Variants in ODAD1 observed in about 807,000 individuals in gnomAD.
The protein encoded by ODAD1 is outer dynein arm docking complex subunit 1.
ODAD1 carries 49 observed loss-of-function variants against 67.2 expected under a neutral mutation model. That is an observed-to-expected ratio of 0.73 (90% CI 0.58 to 0.92). The LOEUF (loss-of-function observed/expected upper bound fraction) is 0.92, where lower values mean the gene tolerates loss of function less well. Among genes scored for constraint, ODAD1 ranks in the 40% least tolerant of loss-of-function variants. ODAD1 has a pLI of 0.00. For synonymous variants in ODAD1, 345 were observed against 393.7 expected (o/e 0.88, Z 1.46); for missense variants, 897 against 953.7 (o/e 0.94, Z 0.78).
At chr19:48,298,678 A>G (rs774137970) in intron 12 of ODAD1, among the ~76,000 whole-genome samples, 2 of 152,064 alleles carry the variant, frequency 1.3e-5, no homozygotes, top group Non-Finnish European at 2.9e-5. Context: ...TATCTTGAAA[A>G]TCTCAGCAAT....
Position 48,318,706 on chromosome 19 carries a change from A to T in ODAD1, c.170+7T>A. The T allele has an allele frequency of 6.5e-7, 1 of 1,548,016 alleles. No individual in the cohort carries two copies. Among genetic ancestry groups the T allele is most frequent in the Non-Finnish European group, 8.7e-7 (1 of 1,143,794 alleles). On this transcript the variant is annotated splice_region_variant and intron_variant, in intron 4 of 15. Transcript: ENST00000674294. ...TCCCCAGCTCAGGGCCCAGGCGCCC[A>T]GCTCACAGTTGCTTGTTGATGCGCT...
intron 7 of ODAD1, among the ~76,000 whole-genome samples, chr19:48,309,126 C>T (rs1968694525): frequency 6.6e-6 from 1 of 152,122 alleles, no homozygotes; most frequent in Non-Finnish European, 1.5e-5. Context: ...AGCGTGTCTG[C>T]TCCTGCTGCT....
intron 3 of ODAD1, 26 bp from the exon 4 acceptor site, chr19:48,318,838 T>C: frequency 6.9e-7 from 1 of 1,441,582 alleles, no homozygotes; most frequent in Non-Finnish European, 9.5e-7. Flanking sequence ...GCCAAGGGAC[T>C]CAGCAGGGAT....
chr19:48,303,572 G>A, intron 10 of ODAD1, 78 bp downstream of exon 10: 1 of 1,565,860 alleles, frequency 6.4e-7, no homozygotes, highest in Non-Finnish European at 8.8e-7. Context: ...CCCAGGGCCA[G>A]AGCTGAGGCC....
At chr19:48,314,576 G>A (rs1038310589) in intron 5 of ODAD1, among the ~76,000 whole-genome samples, 7 of 152,156 alleles carry the variant, frequency 4.6e-5, no homozygotes, top group Admixed American at 6.5e-5. Context: ...ATGAGAGGGC[G>A]CTATCATCCT....
At position 48,296,875 on chromosome 19, in the gene ODAD1, G is replaced by C; in HGVS notation, c.*101C>G. ...CAAAAAGACAGAGGCCTGCCACTGG[G>C]AGAAAAAGACAGAGACCCACAAGGC... is the stretch of plus-strand genomic sequence containing the variant. On this transcript the variant is annotated 3_prime_UTR_variant, in exon 16 of 16. Transcript: ENST00000674294. The C allele has an allele frequency of 6.9e-7, 1 of 1,439,658 alleles. No homozygotes were observed. The highest frequency in any genetic ancestry group is 2.5e-5 in the East Asian group (1 of 40,124). The allele number at this position is 1,439,658 out of a possible 1,614,324, so 89.2% of individuals were successfully genotyped here.
chr19:48,316,302 C>A lies in ODAD1; in HGVS notation c.360+2085G>T, dbSNP rs190684250. On this transcript the variant is annotated intron_variant, in intron 5 of 15. Coordinates refer to ENST00000674294, the MANE Select transcript of ODAD1 (RefSeq NM_001364171.2). ...AGGCTGAGACAGGAGAATGTTTGAA[C>A]CCAGGAGACAGAGGTTGCAGTGAGT... is the stretch of plus-strand genomic sequence containing the variant. Among the ~76,000 whole-genome samples the A allele has an allele frequency of 1.8e-3, 276 of 152,048 alleles. 1 individual carries two copies. The highest frequency in any genetic ancestry group is 3.1e-3 in the South Asian group (15 of 4,808).
At chr19:48,299,772 A>T (rs1298734416) in intron 12 of ODAD1, among the ~76,000 whole-genome samples, 1 of 151,478 alleles carries the variant, frequency 6.6e-6, no homozygotes, top group African/African-American at 2.4e-5. Context: ...CTGCACTCCA[A>T]CCTGGGGAAC....
intron 7 of ODAD1, among the ~76,000 whole-genome samples, chr19:48,310,289 A>T (rs999580969): frequency 1.3e-5 from 2 of 152,040 alleles, no homozygotes; most frequent in African/African-American, 2.4e-5. Context: ...GCACAACACA[A>T]ACGGCCTGGA....
chr19:48,303,291 C>G lies in ODAD1; in HGVS notation c.989-196G>C. 2.6e-5 allele frequency: 16 copies of G among 624,526 alleles called. No individual in the cohort carries two copies. In the South Asian group the frequency reaches 3.0e-4, roughly 12 times the overall value. 38.7% of individuals were successfully genotyped at this position (624,526 alleles called of 1,614,324 possible). On this transcript the variant is annotated intron_variant, in intron 10 of 15. Transcript: ENST00000674294. ...GTGGGAAGATACGGCAGGTGGGACA[C>G]AGAAATACACAGCAAGGCAGAGAGG...
At chr19:48,312,412 G>GTT (rs528076931) in intron 5 of ODAD1, among the ~76,000 whole-genome samples, 16 of 76,958 alleles carry the variant, frequency 2.1e-4, no homozygotes, top group Admixed American at 5.3e-4. Flanking sequence ...TTTTTTTTTT[G>GTT]TTTTTTTTTT....
At position 48,321,672 on chromosome 19, in the gene ODAD1, T is replaced by C. The variant is rs1290997107; in HGVS notation, c.-64+6A>G. ...GGGGAGGTCGAGGCTGAGGTCTCAC[T>C]AGTACCGCGGGCCTGGAAGCGGCGG... On this transcript the variant is annotated splice_donor_region_variant and intron_variant, in intron 1 of 15. Transcript: ENST00000674294. 2.6e-6 allele frequency: 1 copy of C among 387,274 alleles called. No individual in the cohort carries two copies. Among genetic ancestry groups the C allele is most frequent in the Non-Finnish European group, 4.6e-6 (1 of 219,202 alleles). 24.0% of individuals were successfully genotyped at this position (387,274 alleles called of 1,614,324 possible).
chr19:48,315,493 G>C (rs1274451187), intron 5 of ODAD1, among the ~76,000 whole-genome samples: 1 of 152,134 alleles, frequency 6.6e-6, no homozygotes, highest in African/African-American at 2.4e-5. Context: ...GCAGTGAGCT[G>C]AGACTGCGCC....
chr19:48,299,791 A>T (rs912229029), intron 12 of ODAD1, among the ~76,000 whole-genome samples: 1 of 151,926 alleles, frequency 6.6e-6, no homozygotes, highest in Non-Finnish European at 1.5e-5. Flanking sequence ...ACAGAGCGAG[A>T]CTTTCTCAAA....
Position 48,318,448 on chromosome 19 carries a change from C to T in ODAD1, c.299G>A (p.Arg100Gln), listed in dbSNP as rs1334678379. Residue 100 changes from arginine (R) to glutamine (Q), a missense_variant, in exon 5 of 16, where the codon CGG (arginine) becomes CAG (glutamine). Coordinates refer to ENST00000674294, the MANE Select transcript of ODAD1 (RefSeq NM_001364171.2). ...LENMDRLLKG[R>Q]AQVQAEIEEL... Reference sequence around the variant, plus strand: ...CTCGATCTCCGCCTGCACCTGGGCCCGGCCCTTCAGCAGGCGGTCCATGTT... The same window carrying T: ...CTCGATCTCCGCCTGCACCTGGGCCTGGCCCTTCAGCAGGCGGTCCATGTT... The T allele has an allele frequency of 8.4e-6, 13 of 1,551,540 alleles. No homozygotes were observed. Among genetic ancestry groups the T allele is most frequent in the South Asian group, 2.4e-5 (2 of 84,070 alleles).
At chr19:48,308,747 G>A (rs1197851603) in intron 7 of ODAD1, among the ~76,000 whole-genome samples, 2 of 151,866 alleles carry the variant, frequency 1.3e-5, no homozygotes, top group East Asian at 2.0e-4. Flanking sequence ...CTGCTCCACA[G>A]AGCAGGCAGG....
At chr19:48,315,916 G>A (rs544728557) in intron 5 of ODAD1, among the ~76,000 whole-genome samples, 15 of 152,258 alleles carry the variant, frequency 9.9e-5, no homozygotes, top group African/African-American at 3.4e-4. Context: ...CTCGACCACC[G>A]ATGGACATTT....
chr19:48,311,485 G>T, intron 7 of ODAD1, 68 bp downstream of exon 7: 1 of 889,712 alleles, frequency 1.1e-6, no homozygotes, highest in Non-Finnish European at 1.8e-6. Flanking sequence ...AGCAGGAAGG[G>T]CAAACAGCTG....
chr19:48,305,063 C>T (rs1023271630), intron 8 of ODAD1, among the ~76,000 whole-genome samples: 3 of 152,046 alleles, frequency 2.0e-5, no homozygotes, highest in African/African-American at 7.3e-5. Context: ...ACCCTAAGGC[C>T]GACCCAGGCC....
Sources: gnomAD v4.1 joint callset for allele counts (sites outside exome capture counted in the v4.1 genomes callset) on GRCh38, gnomAD v4.1.1 for gene constraint, MANE v1.5 for transcripts, NCBI Gene and HGNC (gene_info 2026-07-23, HGNC 2026-07-21) for gene names.